The following VPS13A variants were observed in gnomAD, a reference collection of about 807,000 sequenced individuals.
VPS13A encodes vacuolar protein sorting 13 homolog A, also known as intermembrane lipid transfer protein VPS13A.
Under a neutral mutation model 390.9 loss-of-function variants are expected in VPS13A, and 264 were observed. The ratio of observed to expected loss-of-function variants is 0.68; its 90% CI spans 0.61 to 0.75. The LOEUF (loss-of-function observed/expected upper bound fraction) is 0.75. VPS13A is among the 30% of genes least tolerant of loss of function. The pLI, the probability that VPS13A is intolerant of heterozygous loss-of-function variation, is 0.00. For missense variants in VPS13A, 3,409 were observed against 3,733.9 expected (o/e 0.91, Z 2.27); for synonymous variants, 1,231 against 1,227.1 (o/e 1.00, Z -0.07).
At chr9:77,275,250 C>T (rs1182480976) in intron 24 of VPS13A, among the ~76,000 whole-genome samples, 1 of 152,016 alleles carries the variant, frequency 6.6e-6, no homozygotes, top group African/African-American at 2.4e-5. Context: ...AAGATTACAT[C>T]TTAATAATGT....
intron 23 of VPS13A, among the ~76,000 whole-genome samples, chr9:77,268,194 A>T (rs1319573404): frequency 6.6e-6 from 1 of 152,232 alleles, no homozygotes; most frequent in African/African-American, 2.4e-5. Context: ...CCACTGGGGT[A>T]TGAAAGAAAG....
chr9:77,201,524 CAT>C (rs1485759347), intron 3 of VPS13A, 117 bp downstream of exon 3: 8 of 973,952 alleles, frequency 8.2e-6, no homozygotes, highest in Middle Eastern at 4.2e-4. Flanking sequence ...TAAAAATAAT[CAT>C]GTGTTTTTGT....
At chr9:77,380,137 T>G (rs1203753179) in intron 67 of VPS13A, among the ~76,000 whole-genome samples, 1 of 144,634 alleles carries the variant, frequency 6.9e-6, no homozygotes, top group Non-Finnish European at 1.5e-5. Flanking sequence ...TTAAAGGCTG[T>G]TTTTTTCTGA....
intron 71 of VPS13A, among the ~76,000 whole-genome samples, chr9:77,412,046 A>G (rs1834957569): frequency 6.6e-6 from 1 of 152,218 alleles, no homozygotes; most frequent in African/African-American, 2.4e-5. Context: ...TAAAGCAGGA[A>G]GAAGTTGAGT....
chr9:77,389,294 G>A (rs1324705228), intron 68 of VPS13A, among the ~76,000 whole-genome samples: 21 of 149,108 alleles, frequency 1.4e-4, no homozygotes, highest in Admixed American at 4.7e-4. Flanking sequence ...AGCACATAAA[G>A]AGTAAGCAGA....
At chr9:77,234,596 T>C (rs1824027779) in intron 17 of VPS13A, among the ~76,000 whole-genome samples, 1 of 152,210 alleles carries the variant, frequency 6.6e-6, no homozygotes, top group Admixed American at 6.5e-5. Context: ...TGTTGTATCA[T>C]GTTTTTTTCA....
intron 67 of VPS13A, among the ~76,000 whole-genome samples, chr9:77,371,536 C>T (rs567731211): frequency 6.6e-6 from 1 of 152,124 alleles, no homozygotes; most frequent in African/African-American, 2.4e-5. Context: ...AATTAGGCCC[C>T]ACCTCCTGGC....
intron 10 of VPS13A, among the ~76,000 whole-genome samples, chr9:77,215,228 G>T (rs2131160695): frequency 6.6e-6 from 1 of 152,292 alleles, no homozygotes; most frequent in Non-Finnish European, 1.5e-5. Flanking sequence ...TATTGAATTT[G>T]CATGCCTGAT....
chr9:77,375,022 G>A (rs1832990031), intron 67 of VPS13A, among the ~76,000 whole-genome samples: 1 of 152,070 alleles, frequency 6.6e-6, no homozygotes, highest in Non-Finnish European at 1.5e-5. Flanking sequence ...GGGGAAAAAG[G>A]AATCATTCTC....
At chr9:77,391,074 A>C (rs780553707) in intron 68 of VPS13A, among the ~76,000 whole-genome samples, 14 of 152,088 alleles carry the variant, frequency 9.2e-5, no homozygotes, top group Non-Finnish European at 1.6e-4. Flanking sequence ...CAATACAGCT[A>C]AAAGTGCAGT....
In VPS13A at chr9:77,340,650, C is replaced by A. The variant is rs946429699; in HGVS notation, c.7026+100C>A. 13 of 1,452,908 alleles carry A rather than the reference C, an allele frequency of 8.9e-6. No individual in the cohort carries two copies. The Admixed American group carries it at 2.3e-4, about 26-fold the overall frequency. 90.0% of individuals were successfully genotyped at this position (1,452,908 alleles called of 1,614,324 possible). A position where few individuals can be genotyped will look rare whatever the true frequency, so the allele number is the denominator to read the frequency against. On this transcript the variant is annotated intron_variant, in intron 50 of 71. Transcript: ENST00000360280. ...ATGTAATGTTTTAACTCTCCCCTTA[C>A]TCCAATTTTGTTTTAGTTTCATGAA...
chr9:77,320,823 A>G (rs1287523901), intron 42 of VPS13A, among the ~76,000 whole-genome samples: 2 of 152,032 alleles, frequency 1.3e-5, no homozygotes, highest in African/African-American at 2.4e-5. Context: ...AGCATGACCA[A>G]TACATTAAGT....
chr9:77,240,967 T>G (rs918372489), intron 19 of VPS13A, among the ~76,000 whole-genome samples: 2 of 152,180 alleles, frequency 1.3e-5, no homozygotes, highest in Non-Finnish European at 2.9e-5. Context: ...TTTTTATCTT[T>G]TGTATTCTGT....
At chr9:77,406,848 A>G (rs55888535) in intron 70 of VPS13A, among the ~76,000 whole-genome samples, 1,949 of 152,098 alleles carry the variant, frequency 0.013, 41 homozygotes, top group African/African-American at 0.044. Context: ...GACCTCACCC[A>G]TATGTACAGA....
chr9:77,322,342 C>T (rs1048195606), intron 44 of VPS13A, among the ~76,000 whole-genome samples: 24 of 151,588 alleles, frequency 1.6e-4, no homozygotes, highest in Non-Finnish European at 3.2e-4. Context: ...GTTAAATAGT[C>T]CCAGAGCCTC....
rs1394935467 is a variant in VPS13A, at chr9:77,314,483, C to T, written c.4243-12C>T. 3 of 1,610,228 alleles carry T rather than the reference C, an allele frequency of 1.9e-6. No individual in the cohort carries two copies. The highest frequency in any genetic ancestry group is 2.5e-6 in the Non-Finnish European group (3 of 1,178,482). ...TTTCTTTGTAATTTTGTGTTGGTTT[C>T]TCCTTTCATAGGCTTCCTTTACAGA... On this transcript the variant is annotated splice_polypyrimidine_tract_variant and intron_variant, in intron 36 of 71. Coordinates refer to ENST00000360280, the MANE Select transcript of VPS13A (RefSeq NM_033305.3).
chr9:77,185,666 C>T (rs542912346), intron 1 of VPS13A, among the ~76,000 whole-genome samples: 14 of 152,274 alleles, frequency 9.2e-5, no homozygotes, highest in Middle Eastern at 3.4e-3. Flanking sequence ...CCTTTTTAAA[C>T]AGTCTTCCCC....
rs572761766 is a variant in VPS13A at position 77,339,621 on chromosome 9, A to C, written c.6484A>C (p.Asn2162His). The C allele has an allele frequency of 7.4e-6, 12 of 1,613,362 alleles. No individual in the cohort carries two copies. The Admixed American group carries it at 2.0e-4, about 27-fold the overall frequency. The change falls in exon 48 of 72, where the codon AAT becomes CAT. Residue 2162 changes from asparagine to histidine, a missense_variant. By Grantham distance (68) the Asn-to-His change is moderately conservative. Coordinates refer to ENST00000360280, the MANE Select transcript of VPS13A (RefSeq NM_033305.3). Reference sequence around the variant, plus strand: ...ACATTTAAAATTACTTGACTATCTCAATCACGATTGGAAAAGTGAATATCA... The same window carrying C: ...ACATTTAAAATTACTTGACTATCTCCATCACGATTGGAAAAGTGAATATCA... Reference protein sequence around the residue: ...RLHLKLLDYLNHDWKSEYHIK... With the variant: ...RLHLKLLDYLHHDWKSEYHIK...
At position 77,411,960 on chromosome 9, in the gene VPS13A, A is replaced by C. The variant is rs1030190388; in HGVS notation, c.9475-3996A>C. 3.3e-5 allele frequency among the ~76,000 whole-genome samples: 5 copies of C among 152,176 alleles called. No individual in the cohort carries two copies. In the East Asian group the frequency reaches 9.6e-4, roughly 29 times the overall value. ...ACAAACTACCATCAGAGAATGCTAT[A>C]AACACCTCTATGCAAATAAACTAGA... On this transcript the variant is annotated intron_variant, in intron 71 of 71. Coordinates refer to ENST00000360280, the MANE Select transcript of VPS13A (RefSeq NM_033305.3).
Sources: allele counts gnomAD v4.1 joint callset (sites outside exome capture counted in the v4.1 genomes callset), GRCh38; gene constraint gnomAD v4.1.1; transcripts MANE v1.5; gene names NCBI Gene and HGNC (gene_info 2026-07-23, HGNC 2026-07-21).